The following RBM20 variants were observed in gnomAD, a reference collection of about 807,000 sequenced individuals.
The protein encoded by RBM20 is RNA binding motif protein 20.
RBM20 carries 51 observed loss-of-function variants against 110.1 expected under a neutral mutation model. The ratio of observed to expected loss-of-function variants is 0.46; its 90% confidence interval spans 0.37 to 0.59. The LOEUF (loss-of-function observed/expected upper bound fraction) is 0.59. Ranked by LOEUF, RBM20 falls within the 20% of genes least tolerant of loss-of-function variation. RBM20 has a pLI of 0.00. For synonymous variants in RBM20, 589 were observed against 618.2 expected (o/e 0.95, Z 0.70); for missense variants, 1,512 against 1,574.9 (o/e 0.96, Z 0.68).
At chr10:110,761,159 C>A (rs1223824047) in intron 1 of RBM20, 8 of 151,462 alleles carry the variant, frequency 5.3e-5, no homozygotes, top group African/African-American at 1.9e-4. Context: ...GCCATACTAC[C>A]TTGAATATGT....
intron 1 of RBM20, among the ~76,000 whole-genome samples, chr10:110,651,915 T>C (rs1590595599): frequency 6.6e-6 from 1 of 152,338 alleles, no homozygotes; most frequent in South Asian, 2.1e-4. Flanking sequence ...AGAAACTTTA[T>C]TTGGTATTTG....
intron 1 of RBM20, among the ~76,000 whole-genome samples, chr10:110,703,603 C>T (rs1862791765): frequency 6.6e-6 from 1 of 152,118 alleles, no homozygotes; most frequent in Non-Finnish European, 1.5e-5. Flanking sequence ...ACTTCTACTC[C>T]TTTGTATGTG....
intron 1 of RBM20, among the ~76,000 whole-genome samples, chr10:110,767,440 T>C (rs1251080416): frequency 2.0e-5 from 3 of 147,910 alleles, no homozygotes; most frequent in Non-Finnish European, 4.5e-5. Context: ...GAGACGCTCC[T>C]CACTTCCCAG....
chr10:110,771,897 T>C (rs988320064), intron 1 of RBM20, among the ~76,000 whole-genome samples: 2 of 152,234 alleles, frequency 1.3e-5, no homozygotes, highest in African/African-American at 4.8e-5. Flanking sequence ...ATTTGGTTTC[T>C]TAGAGAAACC....
Position 110,837,669 on chromosome 10 carries a change from C to T in RBM20, c.*1691C>T, listed in dbSNP as rs1845149915. On this transcript the variant is annotated 3_prime_UTR_variant, in exon 14 of 14. Transcript: ENST00000369519. Reference sequence around the variant, plus strand: ...GGCAGAGAGATTAGTTCAAGGCTAACATTTTATATCAGGTAACTGAGGCAC... The same window carrying T: ...GGCAGAGAGATTAGTTCAAGGCTAATATTTTATATCAGGTAACTGAGGCAC... The T allele has an allele frequency of 1.3e-5, 2 of 152,310 alleles. No individual in the cohort carries two copies. The highest frequency in any genetic ancestry group is 4.1e-4 in the South Asian group (2 of 4,826). 9.4% of individuals were successfully genotyped at this position (152,310 alleles called of 1,614,324 possible). A position where few individuals can be genotyped will look rare whatever the true frequency, so the allele number is the denominator to read the frequency against.
chr10:110,825,145 A>AC (rs1338156158), intron 12 of RBM20, among the ~76,000 whole-genome samples: 1 of 152,094 alleles, frequency 6.6e-6, no homozygotes, highest in Non-Finnish European at 1.5e-5. Flanking sequence ...AACTGAGATG[A>AC]CCCTGGGTAT....
chr10:110,708,700 C>G (rs1268708615), intron 1 of RBM20, among the ~76,000 whole-genome samples: 1 of 152,022 alleles, frequency 6.6e-6, no homozygotes, highest in Non-Finnish European at 1.5e-5. Context: ...TACAACAAGG[C>G]GGAATTATTT....
At chr10:110,702,246 C>T (rs1043564857) in intron 1 of RBM20, among the ~76,000 whole-genome samples, 1 of 152,166 alleles carries the variant, frequency 6.6e-6, no homozygotes, top group Non-Finnish European at 1.5e-5. Context: ...CCTTTAAAGT[C>T]GAGAGCGTAT....
At chr10:110,649,061 T>G (rs1457701486) in intron 1 of RBM20, among the ~76,000 whole-genome samples, 1 of 152,136 alleles carries the variant, frequency 6.6e-6, no homozygotes, top group Non-Finnish European at 1.5e-5. Context: ...CCTTCGCAGT[T>G]TATCTAATTA....
At chr10:110,732,274 A>G (rs995532038) in intron 1 of RBM20, among the ~76,000 whole-genome samples, 2 of 151,832 alleles carry the variant, frequency 1.3e-5, no homozygotes, top group African/African-American at 4.8e-5. Context: ...AGAGGTTGGT[A>G]TTGATTTTCT....
intron 1 of RBM20, among the ~76,000 whole-genome samples, chr10:110,726,818 A>T (rs1038171574): frequency 6.6e-6 from 1 of 152,192 alleles, no homozygotes; most frequent in Admixed American, 6.5e-5. Context: ...GCAGGGGCCC[A>T]CAGGGAATCT....
At chr10:110,812,980 G>A in intron 9 of RBM20, 33 bp downstream of exon 9, 1 of 1,375,698 alleles carries the variant, frequency 7.3e-7, no homozygotes, top group Non-Finnish European at 9.7e-7. Flanking sequence ...GGTAAGGCGA[G>A]GCAGGCCCTG....
At chr10:110,685,851 T>C (rs567397728) in intron 1 of RBM20, among the ~76,000 whole-genome samples, 46 of 152,316 alleles carry the variant, frequency 3.0e-4, no homozygotes, top group African/African-American at 1.0e-3. Flanking sequence ...ACACTGAAAA[T>C]TGCATTTTTA....
intron 1 of RBM20, among the ~76,000 whole-genome samples, chr10:110,701,588 TA>T (rs1346995187): frequency 6.6e-6 from 1 of 152,176 alleles, no homozygotes; most frequent in Non-Finnish European, 1.5e-5. Flanking sequence ...GACTTTCTGC[TA>T]AAATAATTTC....
intron 7 of RBM20, among the ~76,000 whole-genome samples, chr10:110,805,585 G>C (rs1453828041): frequency 3.3e-5 from 5 of 152,258 alleles, no homozygotes; most frequent in Admixed American, 3.3e-4. Flanking sequence ...GTGGATGCCA[G>C]ATGGGCCTCA....
At chr10:110,715,214 C>T (rs1017618094) in intron 1 of RBM20, among the ~76,000 whole-genome samples, 2 of 152,218 alleles carry the variant, frequency 1.3e-5, no homozygotes, top group African/African-American at 4.8e-5. Flanking sequence ...CACCACTGCA[C>T]TCCAGCCTGT....
At chr10:110,809,326 AG>A in intron 7 of RBM20, among the ~76,000 whole-genome samples, 1 of 151,474 alleles carries the variant, frequency 6.6e-6, no homozygotes, top group East Asian at 2.0e-4. Context: ...ACATAGACTG[AG>A]GGTTTTTAGT....
chr10:110,720,721 A>C (rs1843495296), intron 1 of RBM20, among the ~76,000 whole-genome samples: 1 of 147,514 alleles, frequency 6.8e-6, no homozygotes. Context: ...CTGCTCTCCT[A>C]ACCCTCATCC....
intron 1 of RBM20, among the ~76,000 whole-genome samples, chr10:110,737,852 T>C (rs1285318158): frequency 6.6e-6 from 1 of 152,216 alleles, no homozygotes; most frequent in African/African-American, 2.4e-5. Flanking sequence ...TTACAAAGAA[T>C]GTTGCTGTGA....
Sources: allele counts gnomAD v4.1 joint callset (sites outside exome capture counted in the v4.1 genomes callset), GRCh38; gene constraint gnomAD v4.1.1; transcripts MANE v1.5; gene names NCBI Gene and HGNC (gene_info 2026-07-23, HGNC 2026-07-21).